Variants in WASF2 observed in about 807,000 individuals in gnomAD.
WASF2 encodes the protein actin-binding protein WASF2.
In WASF2, 14 loss-of-function variants were observed where a neutral mutation model predicts 45.0. The ratio of observed to expected loss-of-function variants is 0.31; its 90% CI spans 0.21 to 0.49. The LOEUF (loss-of-function observed/expected upper bound fraction) is 0.49. Among genes scored for constraint, WASF2 ranks in the 20% least tolerant of loss-of-function variants. The pLI, the probability that WASF2 is intolerant of heterozygous loss-of-function variation, is 0.99. For synonymous variants in WASF2, 200 were observed against 236.3 expected, an observed-to-expected ratio of 0.85 and a Z score of 1.41; for missense variants, 439 against 636.1, an observed-to-expected ratio of 0.69 and a Z score of 3.33.
intron 1 of WASF2, among the ~76,000 whole-genome samples, chr1:27,462,585 C>CATG (rs775841522): frequency 4.6e-4 from 70 of 152,246 alleles, no homozygotes; most frequent in Admixed American, 1.2e-3. Flanking sequence ...GTATGACAGG[C>CATG]ATGAGCCACC....
chr1:27,487,434 T>C (rs2017946641), intron 1 of WASF2, among the ~76,000 whole-genome samples: 1 of 126,822 alleles, frequency 7.9e-6, no homozygotes, highest in Non-Finnish European at 1.6e-5. Flanking sequence ...ATATATTTAA[T>C]ATATATACAA....
chr1:27,455,986 A>G (rs2017460959), intron 1 of WASF2, among the ~76,000 whole-genome samples: 1 of 152,162 alleles, frequency 6.6e-6, no homozygotes, highest in Admixed American at 6.6e-5. Flanking sequence ...ATAAATGGAC[A>G]GAAAGATGAA....
At chr1:27,453,293 C>T (rs2017410388) in intron 1 of WASF2, among the ~76,000 whole-genome samples, 1 of 150,846 alleles carries the variant, frequency 6.6e-6, no homozygotes, top group African/African-American at 2.4e-5. Flanking sequence ...ATCTATCACC[C>T]AGTTTAAGAA....
At chr1:27,482,067 T>C (rs2148145614) in intron 1 of WASF2, among the ~76,000 whole-genome samples, 1 of 152,384 alleles carries the variant, frequency 6.6e-6, no homozygotes, top group East Asian at 1.9e-4. Flanking sequence ...ATGGTAACTA[T>C]TCTGAGATAC....
intron 1 of WASF2, among the ~76,000 whole-genome samples, chr1:27,470,472 C>T (rs902868919): frequency 1.3e-4 from 20 of 152,006 alleles, no homozygotes; most frequent in Admixed American, 1.3e-3. Flanking sequence ...GGCATGAAAA[C>T]AAGCAGGAGT....
At chr1:27,425,838 C>CAAAAAA (rs57916899) in intron 2 of WASF2, among the ~76,000 whole-genome samples, 1 of 50,596 alleles carries the variant, frequency 2.0e-5, no homozygotes, top group Admixed American at 3.3e-4. Flanking sequence ...GACTCCGTCT[C>CAAAAAA]AAAAAAAAAA....
intron 1 of WASF2, among the ~76,000 whole-genome samples, chr1:27,463,522 C>A (rs530360713): frequency 6.7e-6 from 1 of 148,844 alleles, no homozygotes; most frequent in Non-Finnish European, 1.5e-5. Context: ...ACTCAGGAGG[C>A]TGAGGCAGGA....
At chr1:27,481,057 AC>A (rs1173277611) in intron 1 of WASF2, among the ~76,000 whole-genome samples, 13 of 143,506 alleles carry the variant, frequency 9.1e-5, no homozygotes, top group Admixed American at 2.9e-4. Context: ...AAACAAAAAA[AC>A]AAAAAAAGAA....
intron 1 of WASF2, among the ~76,000 whole-genome samples, chr1:27,458,033 G>A (rs1042422740): frequency 3.3e-5 from 5 of 151,984 alleles, no homozygotes; most frequent in African/African-American, 1.2e-4. Context: ...TTGTTGGCTG[G>A]GCGCGGTGGC....
intron 1 of WASF2, among the ~76,000 whole-genome samples, chr1:27,433,933 T>C (rs1483977910): frequency 6.6e-6 from 1 of 152,242 alleles, no homozygotes; most frequent in Non-Finnish European, 1.5e-5. Flanking sequence ...TGGAATGCCC[T>C]ATCTTTATGG....
At chr1:27,468,646 GA>G (rs889720471) in intron 1 of WASF2, among the ~76,000 whole-genome samples, 245 of 132,180 alleles carry the variant, frequency 1.9e-3, no homozygotes, top group Middle Eastern at 4.0e-3. Context: ...CGTCTCCGGG[GA>G]AAAAAAAAAA....
At chr1:27,463,228 TA>T in intron 1 of WASF2, among the ~76,000 whole-genome samples, 1 of 152,358 alleles carries the variant, frequency 6.6e-6, no homozygotes, top group East Asian at 1.9e-4. Context: ...TGAAAATCTG[TA>T]AAATATATTG....
At chr1:27,435,925 C>A (rs2017131212) in intron 1 of WASF2, among the ~76,000 whole-genome samples, 1 of 152,258 alleles carries the variant, frequency 6.6e-6, no homozygotes, top group African/African-American at 2.4e-5. Context: ...ATAACCATCA[C>A]AACAGAAATG....
intron 1 of WASF2, among the ~76,000 whole-genome samples, chr1:27,484,253 G>A (rs1384080235): frequency 6.6e-6 from 1 of 152,164 alleles, no homozygotes; most frequent in Non-Finnish European, 1.5e-5. Context: ...CTACAGTAGA[G>A]ATGTCCGAGA....
intron 1 of WASF2, among the ~76,000 whole-genome samples, chr1:27,443,619 A>G (rs558336259): frequency 1.3e-5 from 2 of 152,128 alleles, no homozygotes; most frequent in African/African-American, 4.8e-5. Flanking sequence ...ACCTCAAAAA[A>G]CAAAAAAAAA....
intron 2 of WASF2, among the ~76,000 whole-genome samples, chr1:27,420,856 G>A (rs546223657): frequency 1.2e-4 from 18 of 152,164 alleles, no homozygotes; most frequent in African/African-American, 4.1e-4. Context: ...GTGAAGGCAC[G>A]CATAAGAGAC....
chr1:27,454,169 ATATATATATATATATATATTTTT>A (rs1557612274), intron 1 of WASF2, among the ~76,000 whole-genome samples: 1 of 38,248 alleles, frequency 2.6e-5, no homozygotes, highest in Middle Eastern at 0.012. Flanking sequence ...ATATATATAT[ATATATATATATATATATATTTTT>A]TTTTTTTTTT....
intron 8 of WASF2, among the ~76,000 whole-genome samples, chr1:27,409,406 A>C (rs1164257356): frequency 6.9e-6 from 1 of 145,104 alleles, no homozygotes; most frequent in Non-Finnish European, 1.5e-5. Flanking sequence ...GCCTGGGCAA[A>C]AGAGCCAGAC....
chr1:27,461,761 ACCGCGCCTGGCCCACCT>A (rs1206642806), intron 1 of WASF2, among the ~76,000 whole-genome samples: 1 of 151,946 alleles, frequency 6.6e-6, no homozygotes, highest in Non-Finnish European at 1.5e-5. Context: ...GGCGTGAGCC[ACCGCGCCTGGCCCACCT>A]CAGCCTTTCA....
Sources: allele counts gnomAD v4.1 joint callset (sites outside exome capture counted in the v4.1 genomes callset), GRCh38; gene constraint gnomAD v4.1.1; transcripts MANE v1.5; gene names NCBI Gene and HGNC (gene_info 2026-07-23, HGNC 2026-07-21).